The following TAFA1 variants were observed in gnomAD, a reference collection of about 807,000 sequenced individuals.
TAFA1 encodes chemokine-like protein TAFA-1.
TAFA1 carries 4 observed loss-of-function variants against 18.5 expected under a neutral mutation model. That is an observed-to-expected ratio of 0.22 (90% confidence interval 0.11 to 0.49). The LOEUF (loss-of-function observed/expected upper bound fraction) is 0.49. Ranked by LOEUF, TAFA1 falls within the 20% of genes least tolerant of loss-of-function variation. TAFA1 has a pLI of 0.98. For missense variants in TAFA1, 147 were observed against 169.0 expected, an observed-to-expected ratio of 0.87 and a Z score of 0.72; for synonymous variants, 56 against 55.2, an observed-to-expected ratio of 1.01 and a Z score of -0.06.
intron 2 of TAFA1, among the ~76,000 whole-genome samples, chr3:68,401,537 G>A (rs1334781268): frequency 6.6e-6 from 1 of 152,174 alleles, no homozygotes; most frequent in East Asian, 1.9e-4. Flanking sequence ...GTCCCTCTGG[G>A]TTGACTCCAT....
intron 2 of TAFA1, among the ~76,000 whole-genome samples, chr3:68,297,415 GA>G (rs2068227693): frequency 6.6e-6 from 1 of 152,052 alleles, no homozygotes; most frequent in South Asian, 2.1e-4. Context: ...GAGCCCCTGG[GA>G]AAATTTACAA....
chr3:68,329,552 T>G (rs1389213377), intron 2 of TAFA1, among the ~76,000 whole-genome samples: 1 of 152,170 alleles, frequency 6.6e-6, no homozygotes, highest in Non-Finnish European at 1.5e-5. Flanking sequence ...AGGCCACAGT[T>G]CTTGACTATC....
At chr3:68,154,199 C>T (rs1251381518) in intron 2 of TAFA1, among the ~76,000 whole-genome samples, 1 of 152,152 alleles carries the variant, frequency 6.6e-6, no homozygotes, top group Non-Finnish European at 1.5e-5. Context: ...CCTCCTTCAT[C>T]CTCTGCATCC....
chr3:68,483,259 T>C (rs1232153134), intron 3 of TAFA1, among the ~76,000 whole-genome samples: 1 of 149,760 alleles, frequency 6.7e-6, no homozygotes, highest in East Asian at 2.0e-4. Flanking sequence ...TCAATAAACA[T>C]TTTCTGTAAA....
chr3:68,051,648 A>C (rs2064472626), intron 2 of TAFA1, among the ~76,000 whole-genome samples: 1 of 152,140 alleles, frequency 6.6e-6, no homozygotes, highest in Non-Finnish European at 1.5e-5. Flanking sequence ...ATCACTTCTG[A>C]ACTTTTACCC....
intron 2 of TAFA1, among the ~76,000 whole-genome samples, chr3:68,346,422 T>A (rs2069164473): frequency 6.6e-6 from 1 of 152,168 alleles, no homozygotes; most frequent in African/African-American, 2.4e-5. Context: ...CCTCTCAAAG[T>A]GCTGACATTA....
chr3:68,093,658 C>T (rs2106801741), intron 2 of TAFA1, among the ~76,000 whole-genome samples: 1 of 152,154 alleles, frequency 6.6e-6, no homozygotes, highest in East Asian at 1.9e-4. Flanking sequence ...CAGAAGGTTG[C>T]ATATTGCTAG....
chr3:68,120,249 CTTT>C (rs1559527689), intron 2 of TAFA1, among the ~76,000 whole-genome samples: 17 of 55,452 alleles, frequency 3.1e-4, no homozygotes, highest in Non-Finnish European at 5.5e-4. Context: ...TTCTTTCTTT[CTTT>C]CTTTCTTTCT....
intron 2 of TAFA1, among the ~76,000 whole-genome samples, chr3:68,079,741 T>A (rs1411294541): frequency 6.6e-6 from 1 of 152,196 alleles, no homozygotes; most frequent in East Asian, 1.9e-4. Flanking sequence ...AAGTATGTGG[T>A]CAATTTTGGA....
chr3:68,490,547 G>A (rs2072431754), intron 3 of TAFA1, among the ~76,000 whole-genome samples: 1 of 151,990 alleles, frequency 6.6e-6, no homozygotes, highest in Admixed American at 6.5e-5. Context: ...TATCATAAAA[G>A]TTTGGATACA....
At chr3:68,210,047 G>A (rs1466511584) in intron 2 of TAFA1, among the ~76,000 whole-genome samples, 1 of 151,840 alleles carries the variant, frequency 6.6e-6, no homozygotes, top group Non-Finnish European at 1.5e-5. Context: ...GGTTTGTAAT[G>A]AGCTTGTGTT....
chr3:68,120,183 TTCTTTCTTTC>T (rs2065375723), intron 2 of TAFA1, among the ~76,000 whole-genome samples: 2 of 18,586 alleles, frequency 1.1e-4, no homozygotes, highest in Non-Finnish European at 2.7e-4. Context: ...CTTTCTTTCT[TTCTTTCTTTC>T]TTTCTTTCTT....
chr3:68,169,390 C>T (rs998655207), intron 2 of TAFA1, among the ~76,000 whole-genome samples: 3 of 152,232 alleles, frequency 2.0e-5, no homozygotes, highest in Admixed American at 6.5e-5. Flanking sequence ...ATCTTCTAGA[C>T]CTAGTCAATA....
intron 2 of TAFA1, among the ~76,000 whole-genome samples, chr3:68,345,839 A>T (rs532457631): frequency 3.9e-5 from 6 of 152,188 alleles, no homozygotes; most frequent in East Asian, 3.9e-4. Flanking sequence ...GAAAGGGTGG[A>T]TGAAAAGATA....
At chr3:68,461,285 AC>A (rs1368977658) in intron 3 of TAFA1, among the ~76,000 whole-genome samples, 1 of 126,516 alleles carries the variant, frequency 7.9e-6, no homozygotes, top group East Asian at 2.1e-4. Context: ...CTGCCAAAAA[AC>A]AAACAAACAA....
rs1376998687 is a variant in TAFA1 at position 68,229,123 on chromosome 3, G to T, written c.119-188157G>T. ...CAAGAAATCTTGGCTATGGACTTGT[G>T]ATTTTTGAACCAGATAGGCACAATA... On this transcript the variant is annotated intron_variant, in intron 2 of 4. Transcript: ENST00000478136. 2.0e-5 allele frequency among the ~76,000 whole-genome samples: 3 copies of T among 152,298 alleles called. No homozygotes were observed. The East Asian group carries it at 5.8e-4, about 29-fold the overall frequency.
intron 2 of TAFA1, among the ~76,000 whole-genome samples, chr3:68,310,135 CATATT>C (rs773112673): frequency 1.8e-4 from 27 of 152,178 alleles, no homozygotes; most frequent in Non-Finnish European, 3.4e-4. Flanking sequence ...CAAGTACACT[CATATT>C]AGATGTTACG....
At chr3:68,079,068 ACTT>A (rs1418451841) in intron 2 of TAFA1, among the ~76,000 whole-genome samples, 1 of 152,018 alleles carries the variant, frequency 6.6e-6, no homozygotes, top group Non-Finnish European at 1.5e-5. Context: ...GAATTTATCC[ACTT>A]CTTCTAGATT....
chr3:68,496,621 T>G (rs1434302648), intron 3 of TAFA1, among the ~76,000 whole-genome samples: 2 of 152,178 alleles, frequency 1.3e-5, no homozygotes, highest in Non-Finnish European at 2.9e-5. Context: ...GATACTGTGT[T>G]GTTTTGAGCC....
Sources: allele counts gnomAD v4.1 joint callset (sites outside exome capture counted in the v4.1 genomes callset), GRCh38; gene constraint gnomAD v4.1.1; transcripts MANE v1.5; gene names NCBI Gene and HGNC (gene_info 2026-07-23, HGNC 2026-07-21).